ZFHX3: variants seen among roughly 807,000 people sequenced by gnomAD.
ZFHX3 encodes zinc finger homeobox 3.
In ZFHX3, 42 loss-of-function variants were observed where a neutral mutation model predicts 279.1. The ratio of observed to expected loss-of-function variants is 0.15; its 90% CI spans 0.12 to 0.19. The LOEUF (loss-of-function observed/expected upper bound fraction) is 0.19. Among genes scored for constraint, ZFHX3 ranks in the 10% least tolerant of loss-of-function variants. The probability of loss-of-function intolerance (pLI) is 1.00; values close to 1 mark genes in which losing one functional copy is unlikely to be tolerated. For synonymous variants in ZFHX3, 2,293 were observed against 1,957.8 expected (o/e 1.17, Z -4.52); for missense variants, 4,981 against 4,754.0 (o/e 1.05, Z -1.40).
rs2142375191 is a variant in ZFHX3, at chr16:73,846,671, T to C, written c.-1608+44980A>G. Among the ~76,000 whole-genome samples the C allele has an allele frequency of 1.3e-5, 2 of 152,300 alleles. 1 individual carries two copies. Among genetic ancestry groups the C allele is most frequent in the Middle Eastern group, 6.8e-3 (2 of 294 alleles). The stretch of plus-strand genomic sequence containing the variant: ...TCTCGGCGCCCCCTTGCTACTTACT[T>C]GTGCATGAGAAAACGTGTGATATTC... On this transcript the variant is annotated intron_variant, in intron 1 of 17. Transcript: ENST00000641206.
chr16:73,588,838 G>A (rs2051957032), intron 2 of ZFHX3, among the ~76,000 whole-genome samples: 1 of 152,066 alleles, frequency 6.6e-6, no homozygotes, highest in African/African-American at 2.4e-5. Flanking sequence ...TGAACTTCTG[G>A]GGTTGGGGAG....
At chr16:73,615,211 G>A (rs1251217885) in intron 2 of ZFHX3, among the ~76,000 whole-genome samples, 2 of 151,800 alleles carry the variant, frequency 1.3e-5, no homozygotes, top group Non-Finnish European at 2.9e-5. Context: ...AAGAAAGGAG[G>A]AGGGAGGGGA....
At chr16:73,568,105 G>C (rs747861578) in intron 2 of ZFHX3, among the ~76,000 whole-genome samples, 2 of 152,148 alleles carry the variant, frequency 1.3e-5, no homozygotes, top group Non-Finnish European at 2.9e-5. Flanking sequence ...AGTCAGTTTG[G>C]TTTCTTTCAG....
intron 7 of ZFHX3, among the ~76,000 whole-genome samples, chr16:73,097,364 G>T (rs1966178596): frequency 6.6e-6 from 1 of 151,246 alleles, no homozygotes; most frequent in Non-Finnish European, 1.5e-5. Flanking sequence ...TGCTGAGCCT[G>T]GCCTAGAAAG....
chr16:73,489,524 TC>T (rs1313918368), intron 2 of ZFHX3, among the ~76,000 whole-genome samples: 3 of 152,218 alleles, frequency 2.0e-5, no homozygotes, highest in African/African-American at 7.2e-5. Context: ...CATCATACAC[TC>T]TTATTACCTG....
intron 8 of ZFHX3, chr16:73,092,710 G>A (rs1233576767): frequency 9.3e-6 from 3 of 321,910 alleles, no homozygotes; most frequent in South Asian, 2.6e-5. Flanking sequence ...TTGCTCTCTC[G>A]CGCTCTGGGA....
chr16:73,750,780 C>T (rs908126737), intron 1 of ZFHX3, among the ~76,000 whole-genome samples: 7 of 151,978 alleles, frequency 4.6e-5, no homozygotes, highest in Admixed American at 2.6e-4. Context: ...AGACCAGACT[C>T]GGAACATTGC....
intron 3 of ZFHX3, among the ~76,000 whole-genome samples, chr16:72,909,929 T>C (rs2039276968): frequency 6.7e-6 from 1 of 149,670 alleles, no homozygotes; most frequent in Non-Finnish European, 1.5e-5. Context: ...AAACTTCATA[T>C]GCAAATAAGC....
chr16:73,424,865 T>C (rs946165915), intron 3 of ZFHX3, among the ~76,000 whole-genome samples: 1 of 152,100 alleles, frequency 6.6e-6, no homozygotes, highest in South Asian at 2.1e-4. Flanking sequence ...TTTGTTTGTT[T>C]AAAGCAAAAG....
chr16:73,864,861 G>T (rs1961972523), intron 1 of ZFHX3, among the ~76,000 whole-genome samples: 1 of 152,246 alleles, frequency 6.6e-6, no homozygotes, highest in African/African-American at 2.4e-5. Context: ...CATACTCATT[G>T]CAGCTCCTGT....
At chr16:73,592,536 A>G (rs1325858561) in intron 2 of ZFHX3, among the ~76,000 whole-genome samples, 1 of 152,198 alleles carries the variant, frequency 6.6e-6, no homozygotes, top group Non-Finnish European at 1.5e-5. Context: ...AGAGATATAT[A>G]CTAAAATATT....
At chr16:73,665,287 C>T (rs1257069880) in intron 2 of ZFHX3, among the ~76,000 whole-genome samples, 2 of 150,074 alleles carry the variant, frequency 1.3e-5, no homozygotes, top group African/African-American at 4.9e-5. Flanking sequence ...CATCCTGGCT[C>T]ATTGCAACCT....
intron 2 of ZFHX3, among the ~76,000 whole-genome samples, chr16:73,603,688 A>T (rs8054748): frequency 0.77 from 117,323 of 151,560 alleles, 45,582 homozygotes; most frequent in Middle Eastern, 0.91. Flanking sequence ...ACTCGGAGAA[A>T]GAATACATTA....
At chr16:73,741,841 G>C (rs1466561501) in intron 1 of ZFHX3, among the ~76,000 whole-genome samples, 1 of 152,192 alleles carries the variant, frequency 6.6e-6, no homozygotes, top group African/African-American at 2.4e-5. Flanking sequence ...TCCAGAAATG[G>C]TTGAATGCAA....
chr16:72,941,574 G>A (rs186583905), intron 3 of ZFHX3, among the ~76,000 whole-genome samples: 3 of 152,082 alleles, frequency 2.0e-5, no homozygotes, highest in Admixed American at 6.6e-5. Context: ...TGAAATTTAC[G>A]TTTGGAGGCC....
intron 7 of ZFHX3, among the ~76,000 whole-genome samples, chr16:73,114,324 TTAAC>T (rs1966409519): frequency 6.6e-6 from 1 of 152,238 alleles, no homozygotes; most frequent in Non-Finnish European, 1.5e-5. Context: ...TGGAATTTTC[TTAAC>T]TAAAGTTACC....
chr16:73,277,347 C>G (rs1011076105), intron 4 of ZFHX3, among the ~76,000 whole-genome samples: 1 of 152,202 alleles, frequency 6.6e-6, no homozygotes, highest in Non-Finnish European at 1.5e-5. Flanking sequence ...ACAAATCATT[C>G]TCAAGGGCAG....
intron 4 of ZFHX3, among the ~76,000 whole-genome samples, chr16:73,310,865 A>G (rs1184286959): frequency 6.6e-6 from 1 of 152,240 alleles, no homozygotes; most frequent in Non-Finnish European, 1.5e-5. Flanking sequence ...TAAATGAAAA[A>G]AAAAAGAATC....
intron 1 of ZFHX3, among the ~76,000 whole-genome samples, chr16:72,969,313 G>A (rs1358811005): frequency 6.6e-6 from 1 of 152,094 alleles, no homozygotes; most frequent in Non-Finnish European, 1.5e-5. Flanking sequence ...CTTCTAGGTG[G>A]AGCCTTCCAG....
Sources: gnomAD v4.1 joint callset for allele counts (sites outside exome capture counted in the v4.1 genomes callset) on GRCh38, gnomAD v4.1.1 for gene constraint, MANE v1.5 for transcripts, NCBI Gene and HGNC (gene_info 2026-07-23, HGNC 2026-07-21) for gene names.